DIP2C: variants seen among roughly 807,000 people sequenced by gnomAD.
The protein encoded by DIP2C is disco-interacting protein 2 homolog C.
In DIP2C, 33 loss-of-function variants were observed where a neutral mutation model predicts 192.4. That is an observed-to-expected ratio of 0.17 (90% CI 0.13 to 0.23). DIP2C has a LOEUF of 0.23. DIP2C is among the 10% of genes least tolerant of loss of function. The pLI is 1.00. For missense variants in DIP2C, 1,537 were observed against 2,110.1 expected (o/e 0.73, Z 5.32); for synonymous variants, 979 against 864.1 (o/e 1.13, Z -2.33).
chr10:521,666 A>G (rs1846713228), intron 1 of DIP2C, among the ~76,000 whole-genome samples: 1 of 152,204 alleles, frequency 6.6e-6, no homozygotes, highest in Non-Finnish European at 1.5e-5. Context: ...TTAACTTTTG[A>G]ATAATTTAGA....
chr10:420,150 C>A (rs551401849), intron 5 of DIP2C, among the ~76,000 whole-genome samples: 1 of 152,370 alleles, frequency 6.6e-6, no homozygotes, highest in South Asian at 2.1e-4. Context: ...CCAAAAGCCT[C>A]TCTTCACCGG....
chr10:511,976 C>T (rs899748217), intron 1 of DIP2C, among the ~76,000 whole-genome samples: 23 of 152,132 alleles, frequency 1.5e-4, no homozygotes, highest in African/African-American at 5.6e-4. Context: ...CTGGTACTCC[C>T]GGGAGGCCCT....
In DIP2C at chr10:275,583, C is replaced by A. The variant is rs539777393; in HGVS notation, c.*1742G>T. 6.6e-6 allele frequency: 1 copy of A among 151,134 alleles called. No homozygotes were observed. Among genetic ancestry groups the A allele is most frequent in the African/African-American group, 2.4e-5 (1 of 41,052 alleles). 9.4% of individuals were successfully genotyped at this position (151,134 alleles called of 1,614,324 possible). ...TGCATATAGCAAAGGCAGAGAAAGA[C>A]GCTGCCCACAACATAATGAAAGATC... On this transcript the variant is annotated 3_prime_UTR_variant, in exon 37 of 37. Coordinates refer to ENST00000280886, the MANE Select transcript of DIP2C (RefSeq NM_014974.3).
chr10:287,233 G>A (rs1327116366), intron 33 of DIP2C, among the ~76,000 whole-genome samples: 1 of 152,076 alleles, frequency 6.6e-6, no homozygotes, highest in Non-Finnish European at 1.5e-5. Flanking sequence ...ACAGGCATGA[G>A]ACACTGGCTC....
At chr10:341,988 A>G (rs1387311827) in intron 28 of DIP2C, among the ~76,000 whole-genome samples, 1 of 152,150 alleles carries the variant, frequency 6.6e-6, no homozygotes, top group African/African-American at 2.4e-5. Context: ...AAGCTGGGCT[A>G]TGTTGTGTCT....
At chr10:424,723 G>A (rs1966460083) in intron 4 of DIP2C, among the ~76,000 whole-genome samples, 1 of 152,142 alleles carries the variant, frequency 6.6e-6, no homozygotes, top group African/African-American at 2.4e-5. Context: ...ACACAGCCTT[G>A]AGACTTTTGA....
intron 34 of DIP2C, among the ~76,000 whole-genome samples, chr10:285,879 G>A (rs570311708): frequency 6.6e-6 from 1 of 152,364 alleles, no homozygotes; most frequent in African/African-American, 2.4e-5. Flanking sequence ...GTGTCCTGAT[G>A]CTGTTGTTTG....
In DIP2C at chr10:393,678, C is replaced by A. The variant is rs192288854; in HGVS notation, c.1261-2815G>T. Among the ~76,000 whole-genome samples the A allele has an allele frequency of 4.7e-5, 7 of 148,354 alleles. No homozygotes were observed. In the East Asian group the frequency reaches 1.4e-3, roughly 30 times the overall value. ...CCTGTAATCCCAGCTACTCAGGAGG[C>A]TGAGGCAGGAGAATAGCTTGAACCC... On this transcript the variant is annotated intron_variant, in intron 10 of 36. Transcript: ENST00000280886.
rs111307152 is a variant in DIP2C at position 312,081 on chromosome 10, A to G, written c.3925-1989T>C. ...CAATGAGGCAAAGGGAGAGGCCAAC[A>G]TGCATCTGAAGCCTGAAAGAATCCA... On this transcript the variant is annotated intron_variant, in intron 31 of 36. Transcript: ENST00000280886. Among the ~76,000 whole-genome samples the G allele has an allele frequency of 3.4e-3, 521 of 152,308 alleles. 7 individuals carry two copies. The highest frequency in any genetic ancestry group is 0.012 in the African/African-American group (479 of 41,562).
chr10:456,689 G>A (rs9419455), intron 3 of DIP2C, among the ~76,000 whole-genome samples: 16,571 of 152,228 alleles, frequency 0.11, 2,520 homozygotes, highest in African/African-American at 0.34. Context: ...CACGGCCACC[G>A]TTTGTCTCCA....
At chr10:622,339 G>A (rs1428491908) in intron 1 of DIP2C, among the ~76,000 whole-genome samples, 2 of 52,306 alleles carry the variant, frequency 3.8e-5, no homozygotes, top group African/African-American at 1.6e-4. Context: ...GGGGGAGGGG[G>A]AAAGGAGGAA....
chr10:497,838 G>C (rs1287459434), intron 1 of DIP2C, among the ~76,000 whole-genome samples: 1 of 152,220 alleles, frequency 6.6e-6, no homozygotes, highest in East Asian at 1.9e-4. Flanking sequence ...TAGCTATTTT[G>C]GAATAGGTTG....
intron 1 of DIP2C, among the ~76,000 whole-genome samples, chr10:627,006 C>T (rs816562): frequency 0.98 from 149,629 of 152,364 alleles, 73,528 homozygotes; most frequent in Middle Eastern, 1. Flanking sequence ...GGAAAACCTC[C>T]TTCCCTCCAG....
intron 1 of DIP2C, among the ~76,000 whole-genome samples, chr10:546,131 A>G (rs528431467): frequency 6.6e-6 from 1 of 152,054 alleles, no homozygotes; most frequent in East Asian, 1.9e-4. Flanking sequence ...AAATAATAAA[A>G]ATTATCCGGG....
chr10:581,609 G>T (rs1323043942), intron 1 of DIP2C, among the ~76,000 whole-genome samples: 3 of 151,564 alleles, frequency 2.0e-5, no homozygotes, highest in Admixed American at 1.3e-4. Context: ...TGAAGTAATG[G>T]GTTCCATTAC....
In DIP2C at chr10:572,944, GT is replaced by G. The variant is rs552382762; in HGVS notation, c.86-86415del. 1.9e-3 allele frequency among the ~76,000 whole-genome samples: 293 copies of G among 152,292 alleles called. 2 individuals are homozygous for G. The highest frequency in any genetic ancestry group is 3.5e-3 in the Non-Finnish European group (235 of 68,038). On this transcript the variant is annotated intron_variant, in intron 1 of 36. Coordinates refer to ENST00000280886, the MANE Select transcript of DIP2C (RefSeq NM_014974.3). Reference sequence around the variant, plus strand: ...GAGAGAGACTTTCAAGACTCAAGATGTCCCCGCTCCCTGAATATCCTACAAA... The same window carrying G: ...GAGAGAGACTTTCAAGACTCAAGATGCCCCGCTCCCTGAATATCCTACAAA...
chr10:428,139 CGT>C (rs959822794), intron 4 of DIP2C, among the ~76,000 whole-genome samples: 1 of 151,872 alleles, frequency 6.6e-6, no homozygotes, highest in Non-Finnish European at 1.5e-5. Context: ...TGTAGAGAAG[CGT>C]GGACATTTTA....
At chr10:661,242 G>A (rs1361967943) in intron 1 of DIP2C, among the ~76,000 whole-genome samples, 1 of 152,210 alleles carries the variant, frequency 6.6e-6, no homozygotes, top group African/African-American at 2.4e-5. Flanking sequence ...TGAACAGAGA[G>A]AGAAGACTGC....
At chr10:422,734 G>A (rs2133165571) in intron 5 of DIP2C, 90 bp downstream of exon 5, 4 of 1,454,680 alleles carry the variant, frequency 2.7e-6, no homozygotes, top group Non-Finnish European at 3.7e-6. Flanking sequence ...TTCCACCGAG[G>A]GATTCCGCTG....
Sources: allele counts gnomAD v4.1 joint callset (sites outside exome capture counted in the v4.1 genomes callset), GRCh38; gene constraint gnomAD v4.1.1; transcripts MANE v1.5; gene names NCBI Gene and HGNC (gene_info 2026-07-23, HGNC 2026-07-21).